PCDHGB2: variants seen among roughly 807,000 people sequenced by gnomAD.
PCDHGB2 encodes protocadherin gamma subfamily B, 2, also known as protocadherin gamma-B2.
A neutral mutation model predicts 59.3 loss-of-function variants in PCDHGB2; 55 were observed. The observed-to-expected ratio is 0.93, with a 90% CI of 0.75 to 1.16. PCDHGB2 has a LOEUF of 1.16. Among genes scored for constraint, PCDHGB2 ranks in the 50% most tolerant of loss-of-function variants. The probability of loss-of-function intolerance (pLI) is 0.00; values close to 1 mark genes in which losing one functional copy is unlikely to be tolerated. For missense variants in PCDHGB2, 1,228 were observed against 1,198.5 expected (o/e 1.02, Z -0.36); for synonymous variants, 516 against 512.0 (o/e 1.01, Z -0.11).
chr5:141,386,522 C>T (rs1561611649), intron 1 of PCDHGB2, among the ~76,000 whole-genome samples: 3 of 152,174 alleles, frequency 2.0e-5, no homozygotes, highest in African/African-American at 4.8e-5. Flanking sequence ...CAAAAAAAGA[C>T]TCTTTTTAGA....
intron 1 of PCDHGB2, chr5:141,384,037 G>T (rs759701397): frequency 6.2e-7 from 1 of 1,613,004 alleles, no homozygotes; most frequent in Admixed American, 1.7e-5. Context: ...TGGAAAGAAT[G>T]GTGAGGTGAC....
At chr5:141,395,131 C>G in intron 1 of PCDHGB2, 1 of 1,614,202 alleles carries the variant, frequency 6.2e-7, no homozygotes, top group Non-Finnish European at 8.5e-7. Flanking sequence ...TTTCCCCAGC[C>G]CAACTACGCA....
intron 1 of PCDHGB2, among the ~76,000 whole-genome samples, chr5:141,402,771 G>A (rs2094306356): frequency 6.6e-6 from 1 of 152,218 alleles, no homozygotes; most frequent in African/African-American, 2.4e-5. Context: ...ACTCCATCCG[G>A]ATTTCCAGTT....
intron 1 of PCDHGB2, among the ~76,000 whole-genome samples, chr5:141,462,798 C>A (rs1458659959): frequency 6.6e-6 from 1 of 152,072 alleles, no homozygotes; most frequent in Non-Finnish European, 1.5e-5. Flanking sequence ...ATTTGCATGT[C>A]TAATAATGTT....
chr5:141,384,478 G>A (rs1350381914), intron 1 of PCDHGB2: 4 of 1,614,104 alleles, frequency 2.5e-6, no homozygotes, highest in Non-Finnish European at 3.4e-6. Context: ...GCAGTTGAGA[G>A]AACTACAACT....
intron 1 of PCDHGB2, chr5:141,391,032 T>C (rs908748282): frequency 2.0e-5 from 3 of 152,212 alleles, no homozygotes; most frequent in African/African-American, 7.2e-5. Context: ...AAGACAATGT[T>C]TTGTGTCTGT....
chr5:141,426,704 A>C, intron 1 of PCDHGB2: 1 of 440,322 alleles, frequency 2.3e-6, no homozygotes, highest in South Asian at 1.6e-5. Context: ...TTGTTTTACA[A>C]ATCAATGAAC....
chr5:141,383,890 G>A lies in PCDHGB2; in HGVS notation c.2421+21334G>A, dbSNP rs1274384804. 3.1e-6 allele frequency: 5 copies of A among 1,613,936 alleles called. No individual in the cohort carries two copies. Among genetic ancestry groups the A allele is most frequent in the Non-Finnish European group, 4.2e-6 (5 of 1,179,896 alleles). On this transcript the variant is annotated intron_variant, in intron 1 of 3. Transcript: ENST00000522605. The stretch of plus-strand genomic sequence containing the variant: ...AGATGGTCCTGGTAGTCTGACAAAG[G>A]CAAAAGTACTGATCACAGTTTTAGA...
At chr5:141,504,545 TGTTGGGGG>T in intron 2 of PCDHGB2, among the ~76,000 whole-genome samples, 1 of 151,524 alleles carries the variant, frequency 6.6e-6, no homozygotes, top group South Asian at 2.1e-4. Flanking sequence ...TCATGGCAAA[TGTTGGGGG>T]ACTGGCATTC....
At chr5:141,419,187 C>G (rs1179461161) in intron 1 of PCDHGB2, 4 of 1,614,024 alleles carry the variant, frequency 2.5e-6, no homozygotes, top group Non-Finnish European at 2.5e-6. Context: ...CTGCACATTA[C>G]TGACGTCAAT....
At chr5:141,441,004 C>G (rs1258800474) in intron 1 of PCDHGB2, 1 of 152,066 alleles carries the variant, frequency 6.6e-6, no homozygotes, top group African/African-American at 2.4e-5. Flanking sequence ...TCTAGTTTGG[C>G]CTTGATCAAA....
Position 141,511,151 on chromosome 5 carries a change from C to G in PCDHGB2, c.2774C>G (p.Ser925Trp). The change falls in exon 4 of 4, where the codon TCG becomes TGG. Residue 925 changes from serine (S) to tryptophan (W), a missense_variant. Around this residue, in one of 3 missense-constraint regions of PCDHGB2, gnomAD observed 433 missense variants for 441.8 expected, o/e 0.98. Transcript: ENST00000522605. ...PAGGNGNKKK[S>W]GKKEKK ...GGTGGCAATGGCAACAAGAAGAAGTCGGGCAAGAAGGAGAAGAAGTAACAT... is the reference window on the plus strand; with the variant it reads ...GGTGGCAATGGCAACAAGAAGAAGTGGGGCAAGAAGGAGAAGAAGTAACAT... The G allele has an allele frequency of 6.2e-7, 1 of 1,614,152 alleles. No individual in the cohort carries two copies. Among genetic ancestry groups the G allele is most frequent in the Non-Finnish European group, 8.5e-7 (1 of 1,179,994 alleles).
At chr5:141,444,865 G>A (rs1038923777) in intron 1 of PCDHGB2, among the ~76,000 whole-genome samples, 1 of 152,098 alleles carries the variant, frequency 6.6e-6, no homozygotes, top group Non-Finnish European at 1.5e-5. Flanking sequence ...TCTTACTACA[G>A]GACAAAGCTT....
chr5:141,385,708 A>C (rs1342579594), intron 1 of PCDHGB2: 1 of 259,588 alleles, frequency 3.9e-6, no homozygotes, highest in Non-Finnish European at 6.2e-6. Context: ...TTAGCATTCA[A>C]ATATGTAAAA....
At chr5:141,419,052 C>A (rs1017300472) in intron 1 of PCDHGB2, 6 of 1,613,948 alleles carry the variant, frequency 3.7e-6, no homozygotes, top group East Asian at 2.2e-5. Context: ...CATTCTTCTT[C>A]TAATAATTAC....
intron 1 of PCDHGB2, chr5:141,375,357 C>A: frequency 6.2e-7 from 1 of 1,613,858 alleles, no homozygotes; most frequent in Non-Finnish European, 8.5e-7. Context: ...GTGACAGCCA[C>A]GGACAAAGGA....
intron 1 of PCDHGB2, among the ~76,000 whole-genome samples, chr5:141,387,064 G>A (rs2090802887): frequency 6.6e-6 from 1 of 152,174 alleles, no homozygotes; most frequent in Admixed American, 6.5e-5. Context: ...ATGAGGAGAG[G>A]AGTAGGCTAC....
At chr5:141,417,635 G>A in intron 1 of PCDHGB2, 1 of 724,902 alleles carries the variant, frequency 1.4e-6, no homozygotes, top group Non-Finnish European at 2.1e-6. Context: ...CTGACGCCGG[G>A]GATCCCTCAG....
intron 1 of PCDHGB2, among the ~76,000 whole-genome samples, chr5:141,402,058 TA>T: frequency 6.6e-6 from 1 of 152,304 alleles, no homozygotes; most frequent in South Asian, 2.1e-4. Flanking sequence ...ATATTCACAT[TA>T]AAAAACTAAG....
Sources: allele counts gnomAD v4.1 joint callset (sites outside exome capture counted in the v4.1 genomes callset), GRCh38; gene constraint gnomAD v4.1.1; regional missense constraint gnomAD v4.1.1; transcripts MANE v1.5; gene names NCBI Gene and HGNC (gene_info 2026-07-23, HGNC 2026-07-21).